The following TFB1M variants were observed in gnomAD, a reference collection of about 807,000 sequenced individuals.
TFB1M encodes the protein transcription factor B1, mitochondrial.
Under a neutral mutation model 31.1 loss-of-function variants are expected in TFB1M, and 27 were observed. That is an observed-to-expected ratio of 0.87 (90% CI 0.64 to 1.20). The LOEUF (loss-of-function observed/expected upper bound fraction) is 1.20, where lower values mean the gene tolerates loss of function less well. TFB1M is among the 50% of genes most tolerant of loss of function. TFB1M has a pLI of 0.00. For synonymous variants in TFB1M, 166 were observed against 151.8 expected (o/e 1.09, Z -0.69); for missense variants, 394 against 418.7 (o/e 0.94, Z 0.51).
chr6:155,303,577 A>G (rs1228661972), intron 2 of TFB1M: 2 of 152,350 alleles, frequency 1.3e-5, no homozygotes, highest in South Asian at 4.1e-4. Context: ...AGTAAGTTAC[A>G]TGTGTAAAGT....
chr6:155,249,756 T>A, the TFB1M span: 1 of 1,043,412 alleles, frequency 9.6e-7, no homozygotes, highest in Non-Finnish European at 1.4e-6. Context: ...TGGTCTGGAA[T>A]CCTGAGTTGA....
intron 2 of TFB1M, among the ~76,000 whole-genome samples, chr6:155,309,169 T>G (rs1777911784): frequency 6.6e-6 from 1 of 152,242 alleles, no homozygotes; most frequent in African/African-American, 2.4e-5. Context: ...CACTATTTAA[T>G]GATACATTTA....
At chr6:155,306,546 A>G (rs1777773789) in intron 2 of TFB1M, among the ~76,000 whole-genome samples, 1 of 152,240 alleles carries the variant, frequency 6.6e-6, no homozygotes, top group Admixed American at 6.5e-5. Context: ...AGCAATAAAA[A>G]GGAGCAAACT....
At chr6:155,232,725 G>T in the TFB1M span, 5 of 140,124 alleles carry the variant, frequency 3.6e-5, no homozygotes, top group African/African-American at 1.3e-4. Context: ...GGGATCTCCC[G>T]CCAGGGATCT....
intron 2 of TFB1M, among the ~76,000 whole-genome samples, chr6:155,306,488 G>C (rs1777771551): frequency 6.6e-6 from 1 of 152,052 alleles, no homozygotes; most frequent in Non-Finnish European, 1.5e-5. Context: ...CTATCAACAG[G>C]TGAATAGATT....
In TFB1M at chr6:155,257,205, A is replaced by G; in HGVS notation, c.*631T>C. On this transcript the variant is annotated 3_prime_UTR_variant, in exon 7 of 7. Coordinates refer to ENST00000367166, the MANE Select transcript of TFB1M (RefSeq NM_016020.4). ...GTGGAAATTGCAAAAAAAAAAAAAA[A>G]AAAAAACTGTTCATTCCTGGGTTTT... is the stretch of plus-strand genomic sequence containing the variant. 1.4e-6 allele frequency: 2 copies of G among 1,416,280 alleles called. No homozygotes were observed. The highest frequency in any genetic ancestry group is 1.9e-6 in the Non-Finnish European group (2 of 1,042,334). The allele number at this position is 1,416,280 out of a possible 1,614,324, so 87.7% of individuals were successfully genotyped here.
chr6:155,233,930 T>G, the TFB1M span, among the ~76,000 whole-genome samples: 20,240 of 149,332 alleles, frequency 0.14, 1,591 homozygotes, highest in Non-Finnish European at 0.19. Context: ...ACCACAGCAC[T>G]CCAGCCTGGG....
At chr6:155,260,724 G>T in intron 5 of TFB1M, 1 of 387,892 alleles carries the variant, frequency 2.6e-6, no homozygotes, top group South Asian at 2.2e-5. Context: ...GCAGATAATA[G>T]ATGGCATTAG....
intron 4 of TFB1M, among the ~76,000 whole-genome samples, chr6:155,287,016 C>A (rs1271658932): frequency 2.0e-5 from 3 of 151,612 alleles, no homozygotes; most frequent in African/African-American, 7.3e-5. Flanking sequence ...TAAGAGAAAT[C>A]CAAATAAACC....
intron 2 of TFB1M, among the ~76,000 whole-genome samples, chr6:155,306,875 T>A (rs1465304286): frequency 1.3e-5 from 2 of 152,052 alleles, no homozygotes; most frequent in Admixed American, 6.6e-5. Flanking sequence ...AATCCCAGCA[T>A]CTTGGGAGAC....
chr6:155,263,517 C>A (rs1000632714), intron 5 of TFB1M, among the ~76,000 whole-genome samples: 1 of 152,184 alleles, frequency 6.6e-6, no homozygotes, highest in Non-Finnish European at 1.5e-5. Context: ...GTGTTAGCAG[C>A]CTTGGCCATA....
chr6:155,274,160 T>C (rs952033403), intron 5 of TFB1M, among the ~76,000 whole-genome samples: 6 of 152,254 alleles, frequency 3.9e-5, no homozygotes, highest in African/African-American at 1.4e-4. Flanking sequence ...CTCAAGAGCC[T>C]GTATCACCTT....
In TFB1M at chr6:155,298,595, A is replaced by G; in HGVS notation, c.286-10T>C. 1 of 1,571,686 alleles carries G rather than the reference A, an allele frequency of 6.4e-7. No individual in the cohort carries two copies. The highest frequency in any genetic ancestry group is 8.8e-7 in the Non-Finnish European group (1 of 1,141,698). On this transcript the variant is annotated splice_polypyrimidine_tract_variant and intron_variant, in intron 2 of 6. Transcript: ENST00000367166. The stretch of plus-strand genomic sequence containing the variant: ...CTGCATCAGAAAGCATCTAGTTTAT[A>G]AAAAGATCAGTAAAATGAGCTCATA...
chr6:155,250,458 G>T, the TFB1M span: 1 of 1,195,520 alleles, frequency 8.4e-7, no homozygotes, highest in Middle Eastern at 2.2e-4. Context: ...ATAGTTTAGG[G>T]AGAAAATGGC....
intron 2 of TFB1M, among the ~76,000 whole-genome samples, chr6:155,305,727 ATATAT>A (rs1777732678): frequency 8.9e-6 from 1 of 112,800 alleles, no homozygotes; most frequent in Non-Finnish European, 1.7e-5. Context: ...ATATTTATAT[ATATAT>A]TAAATTATAT....
chr6:155,300,461 G>A (rs983366596), intron 2 of TFB1M, among the ~76,000 whole-genome samples: 16 of 152,136 alleles, frequency 1.1e-4, no homozygotes, highest in Admixed American at 3.9e-4. Flanking sequence ...TATGCGGCAT[G>A]CTCTTAATGT....
chr6:155,269,531 A>T (rs1213027151), intron 5 of TFB1M, among the ~76,000 whole-genome samples: 1 of 152,024 alleles, frequency 6.6e-6, no homozygotes, highest in Non-Finnish European at 1.5e-5. Context: ...CATGTTGGCC[A>T]GGCTGCTCTT....
At chr6:155,282,795 T>A (rs1034207112) in intron 5 of TFB1M, among the ~76,000 whole-genome samples, 2 of 151,986 alleles carry the variant, frequency 1.3e-5, no homozygotes, top group Non-Finnish European at 2.9e-5. Context: ...TGGTGCCATC[T>A]CGCCTCGCTG....
chr6:155,269,593 A>G (rs553576139), intron 5 of TFB1M, among the ~76,000 whole-genome samples: 98 of 152,206 alleles, frequency 6.4e-4, no homozygotes, highest in Non-Finnish European at 1.2e-3. Context: ...AAGTGTTGGG[A>G]TTACAGGTGT....
Sources: gnomAD v4.1 joint callset for allele counts (sites outside exome capture counted in the v4.1 genomes callset) on GRCh38, gnomAD v4.1.1 for gene constraint, MANE v1.5 for transcripts, NCBI Gene and HGNC (gene_info 2026-07-23, HGNC 2026-07-21) for gene names.